The following P2RY6 variants were observed in gnomAD, a reference collection of about 807,000 sequenced individuals.
P2RY6 encodes the protein pyrimidinergic receptor P2Y6, also known as P2Y purinoceptor 6.
A neutral mutation model predicts 16.3 loss-of-function variants in P2RY6; 19 were observed. That is an observed-to-expected ratio of 1.16 (90% CI 0.81 to 1.71). The LOEUF (loss-of-function observed/expected upper bound fraction) is 1.71. P2RY6 is among the 40% of genes most tolerant of loss of function. The pLI, the probability that P2RY6 is intolerant of heterozygous loss-of-function variation, is 0.00. For synonymous variants in P2RY6, 184 were observed against 201.5 expected (o/e 0.91, Z 0.74); for missense variants, 389 against 455.5 (o/e 0.85, Z 1.33).
Position 73,296,725 on chromosome 11 carries a change from T to C in P2RY6, c.207T>C (p.Ala69=). ...CGGCCGTGTACACCCTAAACCTTGC[T>C]CTGGCTGACCTGCTATATGCCTGCT... The part of the protein sequence containing the change: ...TRTAVYTLNL[A]LADLLYACSL... Residue 69 remains alanine, a synonymous_variant, in exon 3 of 3, where the codon GCT becomes GCC. Coordinates refer to ENST00000540124, the MANE Select transcript of P2RY6 (RefSeq NM_001277204.2). The C allele has an allele frequency of 1.2e-6, 2 of 1,613,954 alleles. No individual in the cohort carries two copies. The highest frequency in any genetic ancestry group is 1.7e-6 in the Non-Finnish European group (2 of 1,180,032).
intron 1 of P2RY6, among the ~76,000 whole-genome samples, chr11:73,290,969 C>T (rs2135745248): frequency 6.6e-6 from 1 of 152,330 alleles, no homozygotes; most frequent in Middle Eastern, 3.4e-3. Flanking sequence ...GTTAGGAAGG[C>T]AAAGAACTAA....
chr11:73,295,369 G>A (rs1864429002), intron 1 of P2RY6, among the ~76,000 whole-genome samples: 1 of 152,204 alleles, frequency 6.6e-6, no homozygotes, highest in Admixed American at 6.5e-5. Flanking sequence ...GGAAGTGGGG[G>A]AGCAACATTT....
At chr11:73,275,653 T>C (rs1282809318) in intron 1 of P2RY6, among the ~76,000 whole-genome samples, 1 of 148,898 alleles carries the variant, frequency 6.7e-6, no homozygotes, top group Non-Finnish European at 1.5e-5. Flanking sequence ...CACACCTCCA[T>C]AGCATGGAGA....
rs112978084 is a variant in P2RY6, at chr11:73,280,936, C to G, written c.-121+8470C>G. On this transcript the variant is annotated intron_variant, in intron 1 of 2. Coordinates refer to ENST00000540124, the MANE Select transcript of P2RY6 (RefSeq NM_001277204.2). Reference sequence around the variant, plus strand: ...AGACTTTTGCTGAGCCAGGGTCCATCTGGCCACAGAAAGGGGCTGGAATGG... The same window carrying G: ...AGACTTTTGCTGAGCCAGGGTCCATGTGGCCACAGAAAGGGGCTGGAATGG... Among the ~76,000 whole-genome samples, 585 of 152,224 alleles carry G rather than the reference C, an allele frequency of 3.8e-3. 6 individuals carry two copies. The highest frequency in any genetic ancestry group is 0.012 in the African/African-American group (519 of 41,526).
upstream of P2RY6, among the ~76,000 whole-genome samples, chr11:73,271,190 C>T (rs945208373): frequency 3.3e-5 from 5 of 152,116 alleles, no homozygotes; most frequent in African/African-American, 1.2e-4. Flanking sequence ...TAGAGCCGCC[C>T]GGGCTGCCTT....
chr11:73,282,899 TG>T (rs1480683976), intron 1 of P2RY6, among the ~76,000 whole-genome samples: 45 of 152,286 alleles, frequency 3.0e-4, no homozygotes, highest in African/African-American at 1.1e-3. Context: ...CACCAGGTAT[TG>T]GGCTAGGTGA....
rs112532953 is a variant in P2RY6, at chr11:73,272,376, A to T, written c.-211A>T. ...AACATTGCACGCGACAGTTTCAGGC[A>T]CAGAACTGACTGGCAGCAGGGGCTG... On this transcript the variant is annotated 5_prime_UTR_variant, in exon 1 of 3. Transcript: ENST00000540124. 5.1e-6 allele frequency: 5 copies of T among 985,506 alleles called. No individual in the cohort carries two copies. In the African/African-American group the frequency reaches 7.0e-5, roughly 14 times the overall value. 61.0% of individuals were successfully genotyped at this position (985,506 alleles called of 1,614,324 possible).
intron 1 of P2RY6, among the ~76,000 whole-genome samples, chr11:73,292,616 C>T (rs1259850450): frequency 6.6e-6 from 1 of 152,240 alleles, no homozygotes; most frequent in Non-Finnish European, 1.5e-5. Flanking sequence ...CCCCCATCCC[C>T]CTCTTTCCCC....
intron 1 of P2RY6, among the ~76,000 whole-genome samples, chr11:73,288,395 G>A (rs1157528043): frequency 6.6e-6 from 1 of 152,208 alleles, no homozygotes; most frequent in Non-Finnish European, 1.5e-5. Context: ...GGCTGTTTCA[G>A]TTTTAGCTTT....
chr11:73,285,688 C>T (rs1423157861), intron 1 of P2RY6, among the ~76,000 whole-genome samples: 3 of 152,324 alleles, frequency 2.0e-5, no homozygotes, highest in Non-Finnish European at 4.4e-5. Flanking sequence ...CTATGCCCCC[C>T]TTACAGGCCC....
intron 1 of P2RY6, among the ~76,000 whole-genome samples, chr11:73,278,188 T>C (rs112284423): frequency 6.4e-5 from 9 of 140,044 alleles, no homozygotes; most frequent in African/African-American, 2.1e-4. Context: ...ATTTATTTAT[T>C]TGAGATAGTG....
chr11:73,295,150 G>A (rs1019926570), intron 1 of P2RY6, among the ~76,000 whole-genome samples: 3 of 152,132 alleles, frequency 2.0e-5, no homozygotes, highest in African/African-American at 4.8e-5. Context: ...TGTCAGTTTC[G>A]AGGTGAGTGT....
chr11:73,295,505 C>T (rs1236797364), intron 1 of P2RY6, among the ~76,000 whole-genome samples: 1 of 152,174 alleles, frequency 6.6e-6, no homozygotes, highest in African/African-American at 2.4e-5. Flanking sequence ...CTCTGAGTCA[C>T]GAAGAAAGAA....
rs763247469 is a variant in P2RY6, at chr11:73,296,537, A to ACAGGC, written c.25_29dup (p.Leu11ArgfsTer35). The ACAGGC allele has an allele frequency of 2.5e-6, 4 of 1,613,954 alleles. No homozygotes were observed. The highest frequency in any genetic ancestry group is 3.4e-6 in the Non-Finnish European group (4 of 1,179,884). On this transcript the variant is annotated frameshift_variant, in exon 3 of 3. Transcript: ENST00000540124. LOFTEE classifies it high-confidence loss of function. ...GGCAGCCATGGAATGGGACAATGGC[A>ACAGGC]CAGGCCAGGCTCTGGGCTTGCCACC...
At chr11:73,268,904 A>G (rs922358745), upstream of P2RY6, among the ~76,000 whole-genome samples, 11 of 152,242 alleles carry the variant, frequency 7.2e-5, no homozygotes, top group African/African-American at 2.7e-4. Context: ...CAGGCTACAG[A>G]GACCCTTCTC....
intron 1 of P2RY6, among the ~76,000 whole-genome samples, chr11:73,291,824 C>T (rs1198970013): frequency 6.6e-6 from 1 of 151,926 alleles, no homozygotes; most frequent in Non-Finnish European, 1.5e-5. Context: ...CGAGGAGGCT[C>T]AGAGAAGGGA....
intron 1 of P2RY6, among the ~76,000 whole-genome samples, chr11:73,289,149 C>T (rs1864086984): frequency 2.0e-5 from 3 of 152,356 alleles, no homozygotes; most frequent in East Asian, 1.9e-4. Context: ...ATAGGATCTA[C>T]GCAGCCTGAA....
At chr11:73,284,973 T>G (rs1377102975) in intron 1 of P2RY6, among the ~76,000 whole-genome samples, 1 of 152,220 alleles carries the variant, frequency 6.6e-6, no homozygotes, top group Non-Finnish European at 1.5e-5. Flanking sequence ...GAATCACACA[T>G]GCACATGCGT....
intron 2 of P2RY6, among the ~76,000 whole-genome samples, chr11:73,296,229 A>AT (rs1361873472): frequency 6.4e-5 from 8 of 124,072 alleles, no homozygotes; most frequent in East Asian, 2.1e-4. Flanking sequence ...GAAGGAAAAA[A>AT]AAAAATATAT....
Sources: allele counts gnomAD v4.1 joint callset (sites outside exome capture counted in the v4.1 genomes callset), GRCh38; gene constraint gnomAD v4.1.1; transcripts MANE v1.5; gene names NCBI Gene and HGNC (gene_info 2026-07-23, HGNC 2026-07-21).